The following USP6 variants were observed in gnomAD, a reference collection of about 807,000 sequenced individuals.
USP6 encodes the protein ubiquitin specific peptidase 6.
Under a neutral mutation model 175.7 loss-of-function variants are expected in USP6, and 128 were observed. The observed-to-expected ratio is 0.73, with a 90% CI of 0.63 to 0.84. The LOEUF (loss-of-function observed/expected upper bound fraction) is 0.84. Among genes scored for constraint, USP6 ranks in the 40% least tolerant of loss-of-function variants. USP6 has a pLI of 0.00. For missense variants in USP6, 1,498 were observed against 1,760.3 expected (o/e 0.85, Z 2.67); for synonymous variants, 562 against 630.6 (o/e 0.89, Z 1.63).
chr17:5,120,833 G>T (rs1249460296), intron 3 of USP6, 45 bp downstream of exon 3: 1 of 453,966 alleles, frequency 2.2e-6, no homozygotes, highest in Non-Finnish European at 4.4e-6. Context: ...GTGGGCACAT[G>T]TGCTGCATGC....
At chr17:5,167,866 A>T (rs1415279520) in intron 33 of USP6, 66 bp from the exon 34 acceptor site, 3 of 1,541,800 alleles carry the variant, frequency 1.9e-6, no homozygotes, top group Non-Finnish European at 2.6e-6. Flanking sequence ...CGGTTGATGC[A>T]TAGCTAGATC....
chr17:5,144,668 G>A (rs1338214787), intron 25 of USP6, 22 bp from the exon 26 acceptor site: 4 of 1,610,162 alleles, frequency 2.5e-6, no homozygotes, highest in Non-Finnish European at 3.4e-6. Context: ...AATAATGACT[G>A]TGACTTCTCT....
chr17:5,135,905 C>T lies in USP6; in HGVS notation c.641C>T (p.Ala214Val), dbSNP rs1426900403. Residue 214 changes from alanine (A) to valine (V), a missense_variant, in exon 17 of 38, where the codon GCC (alanine) becomes GTC (valine). This residue lies in a region of USP6 where 1,217 missense variants were observed against 1,500.8 expected (regional missense o/e 0.81). Transcript: ENST00000574788. ...TTCTGGGCACTGGTGCAGCTGCTGG[C>T]CAGTGAGAGGCACTCCCTGCCAGGT... is the stretch of plus-strand genomic sequence containing the variant. ...DAFWALVQLL[A>V]SERHSLPGFH... The T allele has an allele frequency of 2.5e-6, 4 of 1,598,712 alleles. No individual in the cohort carries two copies. Among genetic ancestry groups the T allele is most frequent in the Non-Finnish European group, 3.4e-6 (4 of 1,179,804 alleles).
intron 21 of USP6, 106 bp from the exon 22 acceptor site, chr17:5,139,149 C>T: frequency 6.3e-7 from 1 of 1,597,924 alleles, no homozygotes; most frequent in South Asian, 1.1e-5. Flanking sequence ...CCACAGGGGC[C>T]ACACAGAGAC....
intron 13 of USP6, 88 bp from the exon 14 acceptor site, chr17:5,133,355 A>G: frequency 7.0e-7 from 1 of 1,431,332 alleles, no homozygotes; most frequent in Non-Finnish European, 9.8e-7. Flanking sequence ...TCATGGGGCC[A>G]AAACTGACAA....
At position 5,123,768 on chromosome 17, in the gene USP6, C is replaced by G. The variant is rs568290473; in HGVS notation, c.-1298-798C>G. On this transcript the variant is annotated intron_variant, in intron 4 of 37. Coordinates refer to ENST00000574788, the MANE Select transcript of USP6 (RefSeq NM_001304284.2). ...AAGTGCACGCACACGTGTGCAGACACGTAGTGGAAGCATCCACTGGCTCAC... is the reference window on the plus strand; with the variant it reads ...AAGTGCACGCACACGTGTGCAGACAGGTAGTGGAAGCATCCACTGGCTCAC... 3.9e-5 allele frequency among the ~76,000 whole-genome samples: 6 copies of G among 152,278 alleles called. No homozygotes were observed. In the South Asian group the frequency reaches 1.0e-3, roughly 26 times the overall value.
At chr17:5,171,713 A>C (rs773722639) in intron 37 of USP6, 34 bp downstream of exon 37, 12 of 1,601,730 alleles carry the variant, frequency 7.5e-6, no homozygotes, top group Non-Finnish European at 8.5e-6. Context: ...GAAAGTTAGA[A>C]TATCAACAGA....
Position 5,132,221 on chromosome 17 carries a change from C to A in USP6, c.156-175C>A, listed in dbSNP as rs1316482981. ...ACTCCTTCTTCTCCCAGGTCCTGCC[C>A]CTCCTGGGAGTCAGAGCCACAGGAA... On this transcript the variant is annotated intron_variant, in intron 11 of 37. Transcript: ENST00000574788. The surrounding 1 kb of genome is among the most constrained non-coding windows in gnomAD (Gnocchi z 4.7). 5.7e-6 allele frequency: 9 copies of A among 1,569,274 alleles called. No individual in the cohort carries two copies. In the African/African-American group the frequency reaches 9.5e-5, roughly 16 times the overall value.
chr17:5,168,053 A>C lies in USP6; in HGVS notation c.3158A>C (p.Tyr1053Ser). Residue 1053 changes from tyrosine to serine, a missense_variant, in exon 34 of 38, where the codon TAC becomes TCC. Around this residue, in one of 2 missense-constraint regions of USP6, gnomAD observed 1,217 missense variants for 1,500.8 expected, o/e 0.81. Transcript: ENST00000574788. ...EEELGESEMYYCSKCKTHCLA... is the reference protein window; with the variant it reads ...EEELGESEMYSCSKCKTHCLA... ...GAGCTAGGGGAAAGTGAGATGTACT[A>C]CTGTTCCAAGTGTAAGACCCACTGC... The C allele has an allele frequency of 6.2e-7, 1 of 1,611,988 alleles. No individual in the cohort carries two copies. The highest frequency in any genetic ancestry group is 8.5e-7 in the Non-Finnish European group (1 of 1,179,848).
intron 15 of USP6, chr17:5,134,730 G>A (rs59862535): frequency 0.69 from 127,907 of 186,196 alleles, 46,392 homozygotes; most frequent in Non-Finnish European, 0.81. Flanking sequence ...AGGGAAAGAA[G>A]CCAGACCCAA....
rs369899856 is a variant in USP6, at chr17:5,170,877, A to C, written c.3916A>C (p.Thr1306Pro). 11 of 1,612,288 alleles carry C rather than the reference A, an allele frequency of 6.8e-6. No individual in the cohort carries two copies. The African/African-American group carries it at 1.5e-4, about 22-fold the overall frequency. Residue 1306 changes from threonine (T) to proline (P), a missense_variant, in exon 36 of 38, where the codon ACT becomes CCT. Around this residue, in one of 2 missense-constraint regions of USP6, gnomAD observed 1,217 missense variants for 1,500.8 expected, o/e 0.81. Coordinates refer to ENST00000574788, the MANE Select transcript of USP6 (RefSeq NM_001304284.2). Reference protein sequence around the residue: ...EDSTDDQREDTHIKPIYNLYA... With the variant: ...EDSTDDQREDPHIKPIYNLYA... ...CAGCACTGATGACCAAAGAGAAGAC[A>C]CTCATATTAAGCCTATTTATAATCT...
intron 28 of USP6, 68 bp from the exon 29 acceptor site, chr17:5,147,015 T>C: frequency 6.9e-7 from 1 of 1,455,658 alleles, no homozygotes; most frequent in Non-Finnish European, 9.5e-7. Flanking sequence ...TTGAAATACA[T>C]TAGAGAGAGA....
intron 6 of USP6, among the ~76,000 whole-genome samples, chr17:5,127,298 G>A (rs933929769): frequency 2.0e-5 from 3 of 152,130 alleles, no homozygotes; most frequent in South Asian, 2.1e-4. Context: ...CTTATCTTCC[G>A]CCCCAAACCA....
intron 25 of USP6, among the ~76,000 whole-genome samples, chr17:5,143,239 C>T (rs1480950192): frequency 6.6e-6 from 1 of 152,178 alleles, no homozygotes; most frequent in East Asian, 1.9e-4. Flanking sequence ...CGGCCACCAC[C>T]CCGTCTGGGA....
chr17:5,116,732 T>C lies in USP6; in HGVS notation c.-1936T>C, dbSNP rs1302707285. 2 of 152,274 alleles carry C rather than the reference T, an allele frequency of 1.3e-5. No individual in the cohort carries two copies. Among genetic ancestry groups the C allele is most frequent in the Non-Finnish European group, 1.5e-5 (1 of 68,072 alleles). 9.4% of individuals were successfully genotyped at this position (152,274 alleles called of 1,614,324 possible). A position where few individuals can be genotyped will look rare whatever the true frequency, so the allele number is the denominator to read the frequency against. On this transcript the variant is annotated 5_prime_UTR_variant, in exon 1 of 38. Transcript: ENST00000574788. The stretch of plus-strand genomic sequence containing the variant: ...CCGGAATTTGAATTCGTTTCTTCAC[T>C]TACTAGTTGTGAGTCTTTGGGCAAA...
intron 4 of USP6, among the ~76,000 whole-genome samples, chr17:5,123,303 G>T (rs553990428): frequency 6.6e-6 from 1 of 152,034 alleles, no homozygotes; most frequent in Non-Finnish European, 1.5e-5. Context: ...ACCGCCGGTG[G>T]GGGGGTGGTA....
chr17:5,145,998 A>G (rs1264402647), intron 27 of USP6, 25 bp from the exon 28 acceptor site: 1 of 1,559,970 alleles, frequency 6.4e-7, no homozygotes, highest in Admixed American at 1.9e-5. Context: ...CATTTTACTG[A>G]TAAAAGATCT....
chr17:5,157,162 C>A lies in USP6; in HGVS notation c.2828+1556C>A, dbSNP rs184462523. On this transcript the variant is annotated intron_variant, in intron 31 of 37. Transcript: ENST00000574788. ...GTGCAGTGGTGTGATCTTGGCTCAACGCAACCTCCACCTCCCGGGTTCAAG... is the reference window on the plus strand; with the variant it reads ...GTGCAGTGGTGTGATCTTGGCTCAAAGCAACCTCCACCTCCCGGGTTCAAG... Among the ~76,000 whole-genome samples the A allele has an allele frequency of 3.3e-3, 498 of 152,096 alleles. 4 individuals are homozygous for A. The highest frequency in any genetic ancestry group is 0.011 in the African/African-American group (477 of 41,490).
At chr17:5,165,202 G>T (rs1210506252) in intron 33 of USP6, among the ~76,000 whole-genome samples, 1 of 152,124 alleles carries the variant, frequency 6.6e-6, no homozygotes, top group Non-Finnish European at 1.5e-5. Context: ...ACAGTGGGTT[G>T]CCTTTGTATT....
Sources: allele counts gnomAD v4.1 joint callset (sites outside exome capture counted in the v4.1 genomes callset), GRCh38; gene constraint gnomAD v4.1.1; regional missense constraint gnomAD v4.1.1; non-coding constraint Gnocchi (gnomAD v3.1); transcripts MANE v1.5; gene names NCBI Gene and HGNC (gene_info 2026-07-23, HGNC 2026-07-21).